The following TMEM108 variants were observed in gnomAD, a reference collection of about 807,000 sequenced individuals.
TMEM108 encodes cancer/testis antigen 124.
In TMEM108, 12 loss-of-function variants were observed where a neutral mutation model predicts 35.1. The observed-to-expected ratio is 0.34, with a 90% CI of 0.22 to 0.55. The LOEUF is 0.55. Ranked by LOEUF, TMEM108 falls within the 20% of genes least tolerant of loss-of-function variation. TMEM108 has a pLI of 0.89. For synonymous variants in TMEM108, 287 were observed against 308.6 expected, an observed-to-expected ratio of 0.93 and a Z score of 0.73; for missense variants, 680 against 753.3, an observed-to-expected ratio of 0.90 and a Z score of 1.14.
At chr3:133,371,366 C>G (rs2072665842) in intron 3 of TMEM108, among the ~76,000 whole-genome samples, 3 of 152,112 alleles carry the variant, frequency 2.0e-5, no homozygotes, top group African/African-American at 2.4e-5. Flanking sequence ...GGTCCACTTT[C>G]AAGATAGCTC....
chr3:133,360,386 G>C (rs946508642), intron 3 of TMEM108, among the ~76,000 whole-genome samples: 1 of 152,122 alleles, frequency 6.6e-6, no homozygotes, highest in Admixed American at 6.5e-5. Context: ...GAAAAGAAAT[G>C]TCTCTTAAAA....
chr3:133,363,313 C>A (rs2072410148), intron 3 of TMEM108, among the ~76,000 whole-genome samples: 1 of 152,132 alleles, frequency 6.6e-6, no homozygotes, highest in South Asian at 2.1e-4. Flanking sequence ...GTAGTTCCAA[C>A]AAATTCCCAG....
At chr3:133,224,991 C>A (rs114962229) in intron 2 of TMEM108, among the ~76,000 whole-genome samples, 2 of 151,922 alleles carry the variant, frequency 1.3e-5, no homozygotes, top group Non-Finnish European at 2.9e-5. Flanking sequence ...AATTTCTAGA[C>A]CCTTTAACTC....
chr3:133,222,008 A>G (rs1403510541), intron 2 of TMEM108, among the ~76,000 whole-genome samples: 1 of 152,110 alleles, frequency 6.6e-6, no homozygotes, highest in East Asian at 1.9e-4. Flanking sequence ...ACTTATTTTT[A>G]CCAGTAAGTT....
At chr3:133,039,420 G>C (rs1943246928) in intron 1 of TMEM108, among the ~76,000 whole-genome samples, 1 of 152,176 alleles carries the variant, frequency 6.6e-6, no homozygotes, top group Admixed American at 6.5e-5. Flanking sequence ...TGAAAAGTGT[G>C]TGCTCGATGA....
chr3:133,105,416 C>T (rs1944137858), intron 2 of TMEM108, among the ~76,000 whole-genome samples: 1 of 152,164 alleles, frequency 6.6e-6, no homozygotes, highest in Non-Finnish European at 1.5e-5. Flanking sequence ...TTGCCTTCCT[C>T]TTCCAATGCA....
intron 2 of TMEM108, among the ~76,000 whole-genome samples, chr3:133,079,678 T>G (rs926869307): frequency 6.6e-6 from 1 of 152,140 alleles, no homozygotes; most frequent in African/African-American, 2.4e-5. Context: ...ATGTGAATTT[T>G]GGGAGGACAC....
At position 133,346,957 on chromosome 3, in the gene TMEM108, G is replaced by A. The variant is rs555399089; in HGVS notation, c.41-32795G>A. On this transcript the variant is annotated intron_variant, in intron 3 of 5. Coordinates refer to ENST00000321871, the MANE Select transcript of TMEM108 (RefSeq NM_023943.4). This position sits in a 1 kb window ranked among gnomAD's most constrained non-coding sequence, Gnocchi z 4.0. ...TCAAAGATCAGTTGACTTTATTTGC[G>A]TGAGTCTGTCTCTGGACCCTATTCT... Among the ~76,000 whole-genome samples, 41 of 152,150 alleles carry A rather than the reference G, an allele frequency of 2.7e-4. No individual in the cohort carries two copies. Among genetic ancestry groups the A allele is most frequent in the African/African-American group, 7.2e-4 (30 of 41,540 alleles).
At chr3:133,251,706 G>A (rs981161905) in intron 3 of TMEM108, among the ~76,000 whole-genome samples, 1 of 152,088 alleles carries the variant, frequency 6.6e-6, no homozygotes, top group Non-Finnish European at 1.5e-5. Context: ...CTATCCCACT[G>A]TCTAGTCACG....
At chr3:133,227,801 A>C (rs1946095816) in intron 2 of TMEM108, among the ~76,000 whole-genome samples, 1 of 152,004 alleles carries the variant, frequency 6.6e-6, no homozygotes, top group Non-Finnish European at 1.5e-5. Flanking sequence ...AGGCTGAGGC[A>C]CGAGAATCAC....
chr3:133,273,247 A>G (rs964420612), intron 3 of TMEM108, among the ~76,000 whole-genome samples: 2 of 152,178 alleles, frequency 1.3e-5, no homozygotes, highest in Non-Finnish European at 2.9e-5. Context: ...TTAAATATGT[A>G]TGTGTTTTCT....
chr3:133,193,826 A>G (rs950601450), intron 2 of TMEM108, among the ~76,000 whole-genome samples: 2 of 152,192 alleles, frequency 1.3e-5, no homozygotes, highest in Non-Finnish European at 2.9e-5. Flanking sequence ...AATTGAGTTT[A>G]CTATTAAACT....
chr3:133,223,323 G>A (rs929282846), intron 2 of TMEM108, among the ~76,000 whole-genome samples: 3 of 152,176 alleles, frequency 2.0e-5, no homozygotes, highest in Non-Finnish European at 1.5e-5. Context: ...GGAGTCTTCG[G>A]GCAGCCTGGC....
chr3:133,117,265 A>G (rs929916827), intron 2 of TMEM108, among the ~76,000 whole-genome samples: 1 of 152,224 alleles, frequency 6.6e-6, no homozygotes, highest in Non-Finnish European at 1.5e-5. Flanking sequence ...ATCCCATCTG[A>G]GTGATCTAGT....
intron 3 of TMEM108, among the ~76,000 whole-genome samples, chr3:133,272,313 T>TGTGTGTGTGTGTGTGTG (rs1559888647): frequency 1.0e-5 from 1 of 98,034 alleles, no homozygotes; most frequent in South Asian, 3.1e-4. Flanking sequence ...GTGTGTGTGT[T>TGTGTGTGTGTGTGTGTG]TCCTAAAGGA....
At chr3:133,185,802 G>A (rs1290410860) in intron 2 of TMEM108, among the ~76,000 whole-genome samples, 1 of 87,020 alleles carries the variant, frequency 1.1e-5, no homozygotes, top group Non-Finnish European at 2.4e-5. Context: ...TTTTTTTTGA[G>A]ACAGAGTCTT....
At chr3:133,341,693 C>G (rs2071665714) in intron 3 of TMEM108, among the ~76,000 whole-genome samples, 1 of 151,676 alleles carries the variant, frequency 6.6e-6, no homozygotes, top group African/African-American at 2.4e-5. Context: ...ACACATAAAT[C>G]AGTGGAACAG....
At chr3:133,257,903 T>A (rs1010900772) in intron 3 of TMEM108, among the ~76,000 whole-genome samples, 153 of 152,058 alleles carry the variant, frequency 1.0e-3, no homozygotes, top group African/African-American at 3.6e-3. Flanking sequence ...GCCCAGAAAA[T>A]TTTTGCTAAA....
intron 2 of TMEM108, among the ~76,000 whole-genome samples, chr3:133,188,662 C>T (rs1350838289): frequency 6.6e-6 from 1 of 152,106 alleles, no homozygotes; most frequent in Non-Finnish European, 1.5e-5. Flanking sequence ...AGGCTAAGCT[C>T]ACAGGAGAAA....
Sources: gnomAD v4.1 joint callset for allele counts (sites outside exome capture counted in the v4.1 genomes callset) on GRCh38, gnomAD v4.1.1 for gene constraint, Gnocchi (gnomAD v3.1) non-coding constraint, MANE v1.5 for transcripts, NCBI Gene and HGNC (gene_info 2026-07-23, HGNC 2026-07-21) for gene names.